The following SHROOM2 variants were observed in gnomAD, a reference collection of about 807,000 sequenced individuals.
SHROOM2 encodes the protein protein Shroom2.
Under a neutral mutation model 75.9 loss-of-function variants are expected in SHROOM2, and 33 were observed. That is an observed-to-expected ratio of 0.43 (90% confidence interval 0.33 to 0.58). The LOEUF is 0.58. SHROOM2 is among the 20% of genes least tolerant of loss of function. SHROOM2 has a pLI of 0.04. For missense variants in SHROOM2, 1,434 were observed against 1,461.2 expected (o/e 0.98, Z 0.30); for synonymous variants, 655 against 663.6 (o/e 0.99, Z 0.20).
chrX:9,807,259 G>C (rs937901355), intron 1 of SHROOM2, among the ~76,000 whole-genome samples: 1 of 112,241 alleles, frequency 8.9e-6, no homozygotes, highest in Non-Finnish European at 1.9e-5. Context: ...GTAGGTGCAG[G>C]AAAGCCAGCC....
chrX:9,948,532 G>C lies in SHROOM2; in HGVS notation c.*1595G>C, dbSNP rs1036982440. 2 of 112,951 alleles carry C rather than the reference G, an allele frequency of 1.8e-5. No homozygotes were observed. Among genetic ancestry groups the C allele is most frequent in the South Asian group, 3.6e-4 (1 of 2,777 alleles). 9.3% of individuals were successfully genotyped at this position (112,951 alleles called of 1,213,427 possible). ...GCCTTACCAAAGCAGACGCGTGCGC[G>C]TGCACAGATGCACACACACAGATGT... is the stretch of plus-strand genomic sequence containing the variant. On this transcript the variant is annotated 3_prime_UTR_variant, in exon 10 of 10. Transcript: ENST00000380913.
intron 1 of SHROOM2, among the ~76,000 whole-genome samples, chrX:9,792,298 G>T (rs1362126742): frequency 9.1e-6 from 1 of 110,474 alleles, no homozygotes; most frequent in African/African-American, 3.3e-5. Context: ...GCTTCTCTTT[G>T]GGGGAACATG....
chrX:9,881,622 AT>A (rs2084232042), intron 2 of SHROOM2, among the ~76,000 whole-genome samples: 1 of 112,415 alleles, frequency 8.9e-6, no homozygotes, highest in Non-Finnish European at 1.9e-5. Context: ...CTTTGGAGAA[AT>A]GTGATTTAGT....
chrX:9,915,718 A>G (rs1263398806), intron 5 of SHROOM2, among the ~76,000 whole-genome samples: 1 of 112,532 alleles, frequency 8.9e-6, no homozygotes, highest in Non-Finnish European at 1.9e-5. Context: ...TGTACTACAC[A>G]CATTTTCTAT....
chrX:9,833,465 A>G (rs760909276), intron 1 of SHROOM2, among the ~76,000 whole-genome samples: 18 of 111,224 alleles, frequency 1.6e-4, no homozygotes, highest in Non-Finnish European at 3.0e-4. Context: ...TTAAAACTAT[A>G]TTATGAATCA....
intron 1 of SHROOM2, among the ~76,000 whole-genome samples, chrX:9,793,297 T>C (rs917990898): frequency 9.2e-6 from 1 of 108,845 alleles, no homozygotes; most frequent in Non-Finnish European, 1.9e-5. Context: ...TTTTTTCCAC[T>C]CTTTTTTTTT....
At chrX:9,816,446 C>T (rs940343432) in intron 1 of SHROOM2, among the ~76,000 whole-genome samples, 1 of 112,206 alleles carries the variant, frequency 8.9e-6, no homozygotes, top group Non-Finnish European at 1.9e-5. Context: ...GTCCTGACCC[C>T]GGTGGGTGTG....
At chrX:9,842,814 C>T (rs753932102) in intron 1 of SHROOM2, among the ~76,000 whole-genome samples, 97 of 111,597 alleles carry the variant, frequency 8.7e-4, no homozygotes, top group Non-Finnish European at 1.6e-3. Context: ...TGGCTGTCTG[C>T]CCCTCCCTCC....
intron 5 of SHROOM2, among the ~76,000 whole-genome samples, chrX:9,920,302 G>C (rs2084533681): frequency 8.9e-6 from 1 of 112,368 alleles, no homozygotes; most frequent in Admixed American, 9.5e-5. Flanking sequence ...TAGAGTTGTG[G>C]AGGTGAAAAG....
intron 1 of SHROOM2, among the ~76,000 whole-genome samples, chrX:9,808,209 C>A (rs5934687): frequency 0.23 from 25,760 of 109,709 alleles, 2,592 homozygotes; most frequent in East Asian, 0.41. Flanking sequence ...TGGGGGTGGT[C>A]GGGGAGGCTG....
intron 1 of SHROOM2, among the ~76,000 whole-genome samples, chrX:9,844,385 A>C: frequency 9.0e-6 from 1 of 111,224 alleles, no homozygotes; most frequent in Non-Finnish European, 1.9e-5. Context: ...GGTGGTGTGC[A>C]TCTGTGATCC....
At chrX:9,910,239 T>A (rs2147030120) in intron 5 of SHROOM2, among the ~76,000 whole-genome samples, 1 of 110,777 alleles carries the variant, frequency 9.0e-6, no homozygotes, top group African/African-American at 3.3e-5. Flanking sequence ...AAACAGAAAA[T>A]TTGAATAAAG....
chrX:9,864,327 C>T (rs749327850), intron 1 of SHROOM2, among the ~76,000 whole-genome samples: 2 of 111,019 alleles, frequency 1.8e-5, no homozygotes, highest in Non-Finnish European at 3.8e-5. Flanking sequence ...GGGTGCATGC[C>T]TCTCTGATAG....
rs1211080084 is a variant in SHROOM2, at chrX:9,895,586, A to G, written c.1678A>G (p.Lys560Glu). 1.7e-6 allele frequency: 2 copies of G among 1,165,975 alleles called. No individual in the cohort carries two copies. The highest frequency in any genetic ancestry group is 3.6e-5 in the African/African-American group (2 of 56,108). The change falls in exon 4 of 10, where the codon AAA becomes GAA. Residue 560 changes from lysine to glutamate, a missense_variant. Lys to Glu is a moderately conservative substitution (Grantham distance 56). Around this residue, in one of 3 missense-constraint regions of SHROOM2, gnomAD observed 1,340 missense variants for 1,338.3 expected, o/e 1.00. Coordinates refer to ENST00000380913, the MANE Select transcript of SHROOM2 (RefSeq NM_001649.4). The stretch of plus-strand genomic sequence containing the variant: ...GCCTCCCAGGGCCAGCCGTGCAGAA[A>G]AAGCCAGCCAGAGGCTGGCAGCCAG... ...QEPPRASRAE[K>E]ASQRLAASIT...
In SHROOM2 at chrX:9,891,959, G is replaced by A. The variant is rs181399220; in HGVS notation, c.449+851G>A. On this transcript the variant is annotated intron_variant, in intron 3 of 9. Transcript: ENST00000380913. ...TAATGTAACCACTCAGTTTTTGGCT[G>A]TTAATAAATGCTGGTCTTGGCTGGG... is the stretch of plus-strand genomic sequence containing the variant. Among the ~76,000 whole-genome samples, 514 of 110,722 alleles carry A rather than the reference G, an allele frequency of 4.6e-3. 9 individuals carry two copies. Among genetic ancestry groups the A allele is most frequent in the African/African-American group, 0.016 (474 of 30,451 alleles).
chrX:9,819,923 A>G (rs1188923753), intron 1 of SHROOM2, among the ~76,000 whole-genome samples: 1 of 107,411 alleles, frequency 9.3e-6, no homozygotes, highest in East Asian at 2.9e-4. Context: ...CCTCCTGAGT[A>G]GCTGGGACTA....
chrX:9,831,301 T>G (rs1449881761), intron 1 of SHROOM2, among the ~76,000 whole-genome samples: 1 of 112,166 alleles, frequency 8.9e-6, no homozygotes, highest in East Asian at 2.8e-4. Context: ...TTCTAGACAT[T>G]GCCAAGTGTC....
chrX:9,934,769 ATTTG>A (rs2084683772), intron 6 of SHROOM2, among the ~76,000 whole-genome samples: 1 of 111,053 alleles, frequency 9.0e-6, no homozygotes, highest in African/African-American at 3.3e-5. Flanking sequence ...GAGATAGGAG[ATTTG>A]TTTTTTTTCC....
At chrX:9,813,882 G>A (rs909611526) in intron 1 of SHROOM2, among the ~76,000 whole-genome samples, 103 of 111,780 alleles carry the variant, frequency 9.2e-4, no homozygotes, top group African/African-American at 3.2e-3. Context: ...TGCCTTTGAC[G>A]GTTGAGTGTC....
Sources: gnomAD v4.1 joint callset for allele counts (sites outside exome capture counted in the v4.1 genomes callset) on GRCh38, gnomAD v4.1.1 for gene constraint, gnomAD v4.1.1 regional missense constraint, MANE v1.5 for transcripts, NCBI Gene and HGNC (gene_info 2026-07-23, HGNC 2026-07-21) for gene names.